The following EIF3A variants were observed in gnomAD, a reference collection of about 807,000 sequenced individuals.
EIF3A encodes EIF3, p180 subunit.
A neutral mutation model predicts 186.6 loss-of-function variants in EIF3A; 21 were observed. That is an observed-to-expected ratio of 0.11 (90% CI 0.08 to 0.16). The LOEUF (loss-of-function observed/expected upper bound fraction) is 0.16, where lower values mean the gene tolerates loss of function less well. Ranked by LOEUF, EIF3A falls within the 10% of genes least tolerant of loss-of-function variation. EIF3A has a pLI of 1.00. For synonymous variants in EIF3A, 563 were observed against 584.3 expected, an observed-to-expected ratio of 0.96 and a Z score of 0.52; for missense variants, 1,306 against 1,796.3, an observed-to-expected ratio of 0.73 and a Z score of 4.93.
chr10:119,056,957 G>A lies in EIF3A; in HGVS notation c.2061C>T (p.Arg687=). 6.2e-7 allele frequency: 1 copy of A among 1,612,026 alleles called. No homozygotes were observed. The highest frequency in any genetic ancestry group is 1.1e-5 in the South Asian group (1 of 90,900). Residue 687 remains arginine (R), a synonymous_variant, in exon 13 of 22, where the codon CGC becomes CGT. Transcript: ENST00000369144. ...TTACCTTCTTTTCTTGATTCTTTAGGCGTTCTTGAAGTTCTTTCTTTTCTT... is the reference window on the plus strand; with the variant it reads ...TTACCTTCTTTTCTTGATTCTTTAGACGTTCTTGAAGTTCTTTCTTTTCTT... The part of the protein sequence containing the change: ...LEKEKKELQE[R]LKNQEKKIDY...
chr10:119,058,211 T>C lies in EIF3A; in HGVS notation c.1722A>G (p.Thr574=). 1 of 1,613,804 alleles carries C rather than the reference T, an allele frequency of 6.2e-7. No homozygotes were observed. The highest frequency in any genetic ancestry group is 1.1e-5 in the South Asian group (1 of 91,066). The change falls in exon 12 of 22, where the codon ACA becomes ACG. Residue 574 remains threonine, a synonymous_variant. Transcript: ENST00000369144. ...EHQRILARRQ[T]IEERKERLES... is the part of the protein sequence containing the mutation. The stretch of plus-strand genomic sequence containing the variant: ...CAAGGCGCTCTTTTCTCTCCTCAAT[T>C]GTCTGGCGGCGAGCCAGGATCCGCT...
At chr10:119,039,000 A>G (rs1848172358) in intron 19 of EIF3A, among the ~76,000 whole-genome samples, 1 of 152,202 alleles carries the variant, frequency 6.6e-6, no homozygotes, top group African/African-American at 2.4e-5. Context: ...AAACAAAAGT[A>G]TCACTGAAAA....
chr10:119,052,366 T>TGTGTGTGTGTGTGTGTGTGTGTGTGTGTG (rs1848367491), intron 14 of EIF3A, among the ~76,000 whole-genome samples: 1 of 22,218 alleles, frequency 4.5e-5, no homozygotes, highest in African/African-American at 1.3e-4. Context: ...TCTTTTTTGG[T>TGTGTGTGTGTGTGTGTGTGTGTGTGTGTG]TTTGTGTGTG....
At chr10:119,058,842 C>CAT (rs1589691081) in intron 11 of EIF3A, among the ~76,000 whole-genome samples, 1 of 152,162 alleles carries the variant, frequency 6.6e-6, no homozygotes, top group South Asian at 2.1e-4. Flanking sequence ...GAGATGGCAT[C>CAT]ACTGCACTCC....
chr10:119,079,576 C>A (rs1844229971), intron 1 of EIF3A, among the ~76,000 whole-genome samples: 1 of 150,856 alleles, frequency 6.6e-6, no homozygotes, highest in African/African-American at 2.5e-5. Context: ...AAAAATTGTC[C>A]GGTTAGAGGG....
At chr10:119,059,478 A>C in intron 10 of EIF3A, 81 bp from the exon 11 acceptor site, 1 of 1,299,426 alleles carries the variant, frequency 7.7e-7, no homozygotes, top group Non-Finnish European at 1.1e-6. Flanking sequence ...CATATACAAA[A>C]GCTGGAAAAG....
rs1345369247 is a variant in EIF3A, at chr10:119,033,720, T to C, written c.*2319A>G. On this transcript the variant is annotated 3_prime_UTR_variant, in exon 22 of 22. Coordinates refer to ENST00000369144, the MANE Select transcript of EIF3A (RefSeq NM_003750.4). ...ACCAAAATTATACATATTAAAATTATATCACAAATATATATGCTTCCAGAC... is the reference window on the plus strand; with the variant it reads ...ACCAAAATTATACATATTAAAATTACATCACAAATATATATGCTTCCAGAC... 6.0e-6 allele frequency: 1 copy of C among 166,916 alleles called. No homozygotes were observed. Among genetic ancestry groups the C allele is most frequent in the Non-Finnish European group, 1.5e-5 (1 of 68,120 alleles). The allele number at this position is 166,916 out of a possible 1,614,324, so 10.3% of individuals were successfully genotyped here. A position where few individuals can be genotyped will look rare whatever the true frequency, so the allele number is the denominator to read the frequency against.
In EIF3A at chr10:119,052,368, T is replaced by TGTGTGTGTGTGTGTGTGTGTGTGTG. The variant is rs1848367766; in HGVS notation, c.2197-1048_2197-1047insCACACACACACACACACACACACAC. ...CTTCAGGTTATAGTCTTTTTTGGTT[T>TGTGTGTGTGTGTGTGTGTGTGTGTG]TGTGTGTGTGTGTGTGTGTGTGTGT... On this transcript the variant is annotated intron_variant, in intron 14 of 21. Transcript: ENST00000369144. 3.2e-4 allele frequency among the ~76,000 whole-genome samples: 39 copies of TGTGTGTGTGTGTGTGTGTGTGTGTG among 123,062 alleles called. 1 individual carries two copies. Among genetic ancestry groups the TGTGTGTGTGTGTGTGTGTGTGTGTG allele is most frequent in the East Asian group, 2.7e-3 (11 of 4,102 alleles). 80.7% of individuals were successfully genotyped at this position (123,062 alleles called of 152,430 possible).
intron 19 of EIF3A, 75 bp downstream of exon 19, chr10:119,041,919 G>A (rs2119817697): frequency 7.0e-7 from 1 of 1,430,090 alleles, no homozygotes; most frequent in Non-Finnish European, 9.7e-7. Context: ...TAACAATACA[G>A]CCCTGATATT....
At chr10:119,043,460 C>A (rs1848241337) in intron 18 of EIF3A, among the ~76,000 whole-genome samples, 1 of 151,410 alleles carries the variant, frequency 6.6e-6, no homozygotes, top group Admixed American at 6.6e-5. Context: ...AACAAACAAA[C>A]AAAATTAACC....
intron 3 of EIF3A, 117 bp downstream of exon 3, chr10:119,073,324 T>G: frequency 2.4e-6 from 2 of 844,832 alleles, no homozygotes; most frequent in Non-Finnish European, 3.7e-6. Flanking sequence ...CATTTAAAAC[T>G]TCAAAGATTT....
At position 119,038,118 on chromosome 10, in the gene EIF3A, TG is replaced by T. The variant is rs911763815; in HGVS notation, c.3728+119del. On this transcript the variant is annotated intron_variant, in intron 20 of 21. Coordinates refer to ENST00000369144, the MANE Select transcript of EIF3A (RefSeq NM_003750.4). The stretch of plus-strand genomic sequence containing the variant: ...TTTTAGTAGAGATGGGGTTTCACTA[TG>T]TTGGCCAGGCTGCTCTCGAACTCCT... 7 of 843,690 alleles carry T rather than the reference TG, an allele frequency of 8.3e-6. No individual in the cohort carries two copies. The African/African-American group carries it at 1.2e-4, about 14-fold the overall frequency. 52.3% of individuals were successfully genotyped at this position (843,690 alleles called of 1,614,324 possible).
chr10:119,040,860 G>T (rs929629989), intron 19 of EIF3A, among the ~76,000 whole-genome samples: 2 of 152,032 alleles, frequency 1.3e-5, no homozygotes, highest in African/African-American at 4.8e-5. Context: ...CAAAAAATTA[G>T]CCAGGCATAG....
At chr10:119,043,534 A>G (rs1228666935) in intron 18 of EIF3A, among the ~76,000 whole-genome samples, 1 of 151,386 alleles carries the variant, frequency 6.6e-6, no homozygotes, top group Non-Finnish European at 1.5e-5. Flanking sequence ...GGATCACCTA[A>G]GCCCAGGGAG....
intron 14 of EIF3A, among the ~76,000 whole-genome samples, chr10:119,052,368 T>TTGTGTG (rs61029991): frequency 0.5 from 61,946 of 123,026 alleles, 16,755 homozygotes; most frequent in Middle Eastern, 0.65. Flanking sequence ...TTTTTTGGTT[T>TTGTGTG]TGTGTGTGTG....
At chr10:119,043,385 G>T (rs1848240593) in intron 18 of EIF3A, among the ~76,000 whole-genome samples, 1 of 152,122 alleles carries the variant, frequency 6.6e-6, no homozygotes, top group Non-Finnish European at 1.5e-5. Flanking sequence ...GCTGCAGTGA[G>T]CCGAGAACGC....
intron 1 of EIF3A, among the ~76,000 whole-genome samples, chr10:119,079,158 A>T (rs1844222339): frequency 6.6e-6 from 1 of 152,218 alleles, no homozygotes; most frequent in Admixed American, 6.5e-5. Flanking sequence ...TAAACATCCT[A>T]AAACTGCTTG....
chr10:119,076,793 A>C (rs1844181397), intron 1 of EIF3A, among the ~76,000 whole-genome samples: 1 of 151,940 alleles, frequency 6.6e-6, no homozygotes. Flanking sequence ...AAAATTAGCC[A>C]GGCATGGTGG....
intron 5 of EIF3A, 56 bp downstream of exon 5, chr10:119,070,830 A>G: frequency 8.0e-7 from 1 of 1,243,744 alleles, no homozygotes; most frequent in South Asian, 1.2e-5. Context: ...TTAAGGGGGG[A>G]GAAAAGTAAC....
Sources: allele counts gnomAD v4.1 joint callset (sites outside exome capture counted in the v4.1 genomes callset), GRCh38; gene constraint gnomAD v4.1.1; transcripts MANE v1.5; gene names NCBI Gene and HGNC (gene_info 2026-07-23, HGNC 2026-07-21).